AMOTL1: variants seen among roughly 807,000 people sequenced by gnomAD.
AMOTL1 encodes the protein angiomotin like 1.
A neutral mutation model predicts 102.9 loss-of-function variants in AMOTL1; 45 were observed. The observed-to-expected ratio is 0.44, with a 90% CI of 0.34 to 0.56. The LOEUF is 0.56. Among genes scored for constraint, AMOTL1 ranks in the 20% least tolerant of loss-of-function variants. The pLI is 0.01. For missense variants in AMOTL1, 1,114 were observed against 1,225.6 expected (o/e 0.91, Z 1.36); for synonymous variants, 481 against 484.7 (o/e 0.99, Z 0.10).
chr11:94,866,252 C>A, intron 11 of AMOTL1, 84 bp downstream of exon 11: 1 of 1,340,786 alleles, frequency 7.5e-7, no homozygotes, highest in Non-Finnish European at 1.0e-6. Flanking sequence ...CGGAAATGTC[C>A]CTGAATAGTT....
chr11:94,870,591 TGTGCAGTGGTATCGGAC>T, intron 12 of AMOTL1, 81 bp from the exon 13 acceptor site: 1 of 775,992 alleles, frequency 1.3e-6, no homozygotes, highest in Non-Finnish European at 2.0e-6. Flanking sequence ...GAATCCTGGG[TGTGCAGTGGTATCGGAC>T]GTGGGTCCAT....
In AMOTL1 at chr11:94,751,071, G is replaced by T. The variant is rs143369800; in HGVS notation, c.136+10083G>T. On this transcript the variant is annotated intron_variant, in intron 3 of 4. Coordinates refer to the AMOTL1 transcript ENST00000299004. ...GCCAGTTTCGGTTTTCTAGGAAGGA[G>T]AATGTACAAGTTGGTCTCCTCCTAG... 1.2e-3 allele frequency among the ~76,000 whole-genome samples: 187 copies of T among 152,244 alleles called. 2 individuals are homozygous for T. The East Asian group carries it at 0.033, about 27-fold the overall frequency.
chr11:94,842,705 T>G (rs544177857), intron 6 of AMOTL1, among the ~76,000 whole-genome samples: 45 of 152,302 alleles, frequency 3.0e-4, no homozygotes, highest in Non-Finnish European at 5.4e-4. Flanking sequence ...AACTCAGAAC[T>G]CTTGTTCAGA....
At chr11:94,762,496 C>G (rs979249650) in intron 3 of AMOTL1, among the ~76,000 whole-genome samples, 2 of 152,104 alleles carry the variant, frequency 1.3e-5, no homozygotes, top group Middle Eastern at 3.2e-3. Flanking sequence ...AATCATCAGC[C>G]CCAAATGTCA....
Position 94,774,991 on chromosome 11 carries a change from C to T in AMOTL1, c.49+6431C>T, listed in dbSNP as rs150143872. The stretch of plus-strand genomic sequence containing the variant: ...CTCTCACTCCTTGGAAGACATGCCA[C>T]AACTGGGTATATGGCTACCATATTG... On this transcript the variant is annotated intron_variant, in intron 1 of 12. Coordinates refer to ENST00000433060, the MANE Select transcript of AMOTL1 (RefSeq NM_130847.3). Among the ~76,000 whole-genome samples, 9 of 152,318 alleles carry T rather than the reference C, an allele frequency of 5.9e-5. No individual in the cohort carries two copies. The East Asian group carries it at 1.7e-3, about 29-fold the overall frequency.
intron 3 of AMOTL1, among the ~76,000 whole-genome samples, chr11:94,757,080 A>C (rs959875890): frequency 6.6e-6 from 1 of 151,986 alleles, no homozygotes; most frequent in African/African-American, 2.4e-5. Flanking sequence ...TCAAATCAAG[A>C]TGATAATTAT....
At chr11:94,785,760 T>C (rs1213908061) in intron 1 of AMOTL1, among the ~76,000 whole-genome samples, 1 of 152,206 alleles carries the variant, frequency 6.6e-6, no homozygotes, top group African/African-American at 2.4e-5. Flanking sequence ...GTATCTGAAC[T>C]GCTCCTTTCT....
chr11:94,859,733 C>T lies in AMOTL1; in HGVS notation c.2135+18C>T. The stretch of plus-strand genomic sequence containing the variant: ...GCTGAGAGGTGAGACCAGTGGAACT[C>T]TGGTGGTCATAAAAGCACAGTTAAA... On this transcript the variant is annotated intron_variant, in intron 9 of 12. Transcript: ENST00000433060. The T allele has an allele frequency of 6.3e-7, 1 of 1,583,210 alleles. No individual in the cohort carries two copies. Among genetic ancestry groups the T allele is most frequent in the South Asian group, 1.2e-5 (1 of 86,802 alleles).
intron 1 of AMOTL1, among the ~76,000 whole-genome samples, chr11:94,728,170 G>A (rs1202703389): frequency 9.2e-5 from 14 of 152,222 alleles, no homozygotes; most frequent in South Asian, 4.1e-4. Context: ...CATGCAGAGC[G>A]TTATCAAGAT....
At chr11:94,728,496 A>G (rs1041208847) in intron 1 of AMOTL1, among the ~76,000 whole-genome samples, 3 of 152,288 alleles carry the variant, frequency 2.0e-5, no homozygotes, top group Middle Eastern at 3.4e-3. Flanking sequence ...GGAAGATAAA[A>G]AGTAGTCATA....
intron 1 of AMOTL1, among the ~76,000 whole-genome samples, chr11:94,793,786 A>C (rs779726474): frequency 1.3e-5 from 2 of 152,264 alleles, no homozygotes; most frequent in African/African-American, 4.8e-5. Context: ...ATCTTCATAT[A>C]GTATCATCCG....
At chr11:94,786,507 A>G (rs1391352928) in intron 1 of AMOTL1, among the ~76,000 whole-genome samples, 1 of 152,214 alleles carries the variant, frequency 6.6e-6, no homozygotes, top group Middle Eastern at 3.2e-3. Flanking sequence ...GGAGGGGAGC[A>G]CGCCTTTCTC....
chr11:94,816,406 T>A (rs959936252), intron 3 of AMOTL1, among the ~76,000 whole-genome samples: 4 of 152,206 alleles, frequency 2.6e-5, no homozygotes, highest in African/African-American at 9.6e-5. Context: ...TCTTCCTATG[T>A]CTAATTGAAG....
chr11:94,859,571 C>T lies in AMOTL1; in HGVS notation c.1991C>T (p.Pro664Leu), dbSNP rs1383463415. Reference sequence around the variant, plus strand: ...GCCAACATGCCGGAATACAATGCCCCAGCCCTCCTGGAACTTGTGCGGGAG... The same window carrying T: ...GCCAACATGCCGGAATACAATGCCCTAGCCCTCCTGGAACTTGTGCGGGAG... ...QPANMPEYNA[P>L]ALLELVREKE... Residue 664 changes from proline to leucine, a missense_variant, in exon 9 of 13, where the codon CCA becomes CTA. Physicochemically the swap from Pro to Leu is moderately conservative, Grantham distance 98. Transcript: ENST00000433060. 1 of 1,613,852 alleles carries T rather than the reference C, an allele frequency of 6.2e-7. No homozygotes were observed. The highest frequency in any genetic ancestry group is 1.1e-5 in the South Asian group (1 of 91,038).
intron 8 of AMOTL1, 76 bp from the exon 9 acceptor site, chr11:94,859,447 CAT>C (rs1208612943): frequency 1.2e-5 from 16 of 1,378,746 alleles, no homozygotes; most frequent in African/African-American, 1.4e-5. Context: ...TGGGGAACCT[CAT>C]GTGTTCTGTA....
chr11:94,777,001 A>C (rs892818303), intron 1 of AMOTL1, among the ~76,000 whole-genome samples: 1 of 152,244 alleles, frequency 6.6e-6, no homozygotes, highest in African/African-American at 2.4e-5. Context: ...TGGATGCAGC[A>C]CTCAGTGCAT....
chr11:94,845,476 C>T (rs770004796), intron 6 of AMOTL1, among the ~76,000 whole-genome samples: 2 of 152,206 alleles, frequency 1.3e-5, no homozygotes, highest in Non-Finnish European at 2.9e-5. Context: ...GGAACAGTAG[C>T]TGGGACATGG....
At chr11:94,796,891 TTA>T in intron 2 of AMOTL1, 1 of 567,926 alleles carries the variant, frequency 1.8e-6, no homozygotes, top group Non-Finnish European at 2.2e-6. Context: ...TATAGATGTA[TTA>T]ATATACATAT....
At chr11:94,713,045 T>G (rs1176597259) in intron 1 of AMOTL1, among the ~76,000 whole-genome samples, 1 of 151,802 alleles carries the variant, frequency 6.6e-6, no homozygotes, top group Non-Finnish European at 1.5e-5. Context: ...TTTTTTTTTG[T>G]TTTTTGTTTT....
Sources: allele counts gnomAD v4.1 joint callset (sites outside exome capture counted in the v4.1 genomes callset), GRCh38; gene constraint gnomAD v4.1.1; transcripts MANE v1.5; gene names NCBI Gene and HGNC (gene_info 2026-07-23, HGNC 2026-07-21).